Variants in DMD observed in about 807,000 individuals in gnomAD.
DMD encodes dystrophin, also known as mutant dystrophin.
In DMD, 63 loss-of-function variants were observed where a neutral mutation model predicts 330.1. That is an observed-to-expected ratio of 0.19 (90% CI 0.16 to 0.24). The LOEUF is 0.24. Ranked by LOEUF, DMD falls within the 10% of genes least tolerant of loss-of-function variation. The probability of loss-of-function intolerance (pLI) is 1.00; values close to 1 mark genes in which losing one functional copy is unlikely to be tolerated. For synonymous variants in DMD, 1,223 were observed against 959.8 expected (o/e 1.27, Z -5.07); for missense variants, 3,344 against 2,684.1 (o/e 1.25, Z -5.43).
intron 48 of DMD, among the ~76,000 whole-genome samples, chrX:31,843,187 T>C (rs1323583365): frequency 8.9e-6 from 1 of 111,998 alleles, no homozygotes; most frequent in African/African-American, 3.2e-5. Context: ...AACATACAAG[T>C]GCATGTGTCT....
intron 21 of DMD, among the ~76,000 whole-genome samples, chrX:32,481,848 T>TA (rs2041929176): frequency 8.9e-6 from 1 of 112,038 alleles, no homozygotes; most frequent in Non-Finnish European, 1.9e-5. Context: ...CCATGTATAT[T>TA]ACCTAGTGCC....
At position 32,345,964 on chromosome X, in the gene DMD, C is replaced by A. The variant is rs759375976; in HGVS notation, c.5565G>T (p.Gln1855His). ...EEIKIKQQLLQTKHNALKDLR... is the reference protein window; with the variant it reads ...EEIKIKQQLLHTKHNALKDLR... ...ATACCTTGAGAGCATTATGTTTTGTCTGTAACAGCTGCTGTTTTATCTTTA... is the reference window on the plus strand; with the variant it reads ...ATACCTTGAGAGCATTATGTTTTGTATGTAACAGCTGCTGTTTTATCTTTA... Residue 1855 changes from glutamine (Q) to histidine (H), a missense_variant, in exon 39 of 79, where the codon CAG becomes CAT. Gln to His is a conservative substitution (Grantham distance 24, BLOSUM62 0). Coordinates refer to ENST00000357033, the MANE Select transcript of DMD (RefSeq NM_004006.3). 6.6e-6 allele frequency: 8 copies of A among 1,206,286 alleles called. No individual in the cohort carries two copies. Among genetic ancestry groups the A allele is most frequent in the Admixed American group, 2.2e-5 (1 of 45,407 alleles).
intron 42 of DMD, among the ~76,000 whole-genome samples, chrX:32,305,555 C>T (rs762682541): frequency 9.0e-6 from 1 of 111,117 alleles, no homozygotes; most frequent in Non-Finnish European, 1.9e-5. Context: ...CTCTCACTAC[C>T]GACCAAGTCC....
At chrX:33,121,820 G>A (rs2095426983) in intron 1 of DMD, among the ~76,000 whole-genome samples, 1 of 112,097 alleles carries the variant, frequency 8.9e-6, no homozygotes, top group Admixed American at 9.5e-5. Flanking sequence ...AAACAAATTT[G>A]AACAGCAGGC....
intron 9 of DMD, among the ~76,000 whole-genome samples, chrX:32,658,654 C>A (rs762268785): frequency 3.6e-5 from 4 of 111,134 alleles, no homozygotes; most frequent in African/African-American, 6.5e-5. Flanking sequence ...ATCTCTCCCC[C>A]TCCAATTGAT....
chrX:31,249,785 A>G (rs1384952403), intron 63 of DMD, among the ~76,000 whole-genome samples: 1 of 110,921 alleles, frequency 9.0e-6, no homozygotes, highest in East Asian at 2.8e-4. Context: ...CAGGAACCCA[A>G]TAGATTATTA....
At chrX:32,585,877 T>C (rs5972606) in intron 13 of DMD, among the ~76,000 whole-genome samples, 16,409 of 109,468 alleles carry the variant, frequency 0.15, 3,060 homozygotes, top group African/African-American at 0.51. Flanking sequence ...AAAGTCAGAA[T>C]AGAAAACAGA....
chrX:31,536,904 C>T (rs1349543170), intron 55 of DMD, among the ~76,000 whole-genome samples: 3 of 111,572 alleles, frequency 2.7e-5, no homozygotes, highest in African/African-American at 9.8e-5. Context: ...TAAGTCACTA[C>T]CCTTTTAAGA....
intron 2 of DMD, among the ~76,000 whole-genome samples, chrX:33,009,314 GTATA>G (rs1491475429): frequency 2.8e-5 from 1 of 35,275 alleles, no homozygotes; most frequent in African/African-American, 9.3e-5. Flanking sequence ...ACACATGTGT[GTATA>G]TGTGTATATG....
chrX:32,189,623 T>G (rs779396836), intron 44 of DMD, among the ~76,000 whole-genome samples: 20 of 60,791 alleles, frequency 3.3e-4, no homozygotes, highest in Admixed American at 2.5e-3. Context: ...GGCATACTTC[T>G]AGGATTTTTT....
At chrX:32,980,666 A>C (rs902175337) in intron 2 of DMD, among the ~76,000 whole-genome samples, 1 of 111,027 alleles carries the variant, frequency 9.0e-6, no homozygotes, top group Non-Finnish European at 1.9e-5. Context: ...TTTCCGAATC[A>C]TAATATTTTT....
intron 44 of DMD, among the ~76,000 whole-genome samples, chrX:32,203,065 G>A (rs5972507): frequency 0.26 from 28,874 of 110,770 alleles, 3,696 homozygotes; most frequent in African/African-American, 0.5. Flanking sequence ...CTACCTGTCT[G>A]GCCCATGCTA....
chrX:32,343,128 C>T lies in DMD; in HGVS notation c.5739+6G>A. On this transcript the variant is annotated splice_donor_region_variant and intron_variant, in intron 40 of 78. Coordinates refer to ENST00000357033, the MANE Select transcript of DMD (RefSeq NM_004006.3). ...ATCTGGTATTGACATTCTAAAACAA[C>T]ATTACCTTTATTTTCCTTTCATCTC... 1 of 1,207,799 alleles carries T rather than the reference C, an allele frequency of 8.3e-7. No individual in the cohort carries two copies. The highest frequency in any genetic ancestry group is 1.8e-5 in the South Asian group (1 of 56,881).
intron 2 of DMD, among the ~76,000 whole-genome samples, chrX:32,882,004 C>A (rs2083994117): frequency 8.9e-6 from 1 of 112,294 alleles, no homozygotes; most frequent in African/African-American, 3.2e-5. Flanking sequence ...AGACGTGCTT[C>A]TTCATGCCTG....
At chrX:32,109,785 G>A (rs769462213) in intron 44 of DMD, among the ~76,000 whole-genome samples, 32 of 111,599 alleles carry the variant, frequency 2.9e-4, no homozygotes, top group African/African-American at 8.4e-4. Flanking sequence ...AAAGAGCGGT[G>A]TAATTTTTCT....
At chrX:31,181,789 C>T (rs1027191539) in intron 68 of DMD, among the ~76,000 whole-genome samples, 5 of 112,644 alleles carry the variant, frequency 4.4e-5, no homozygotes, top group African/African-American at 1.6e-4. Context: ...CCAGTTCACA[C>T]GTAACTGGAA....
chrX:31,266,134 T>C (rs1382637459), intron 62 of DMD, among the ~76,000 whole-genome samples: 2 of 72,464 alleles, frequency 2.8e-5, no homozygotes, highest in Non-Finnish European at 4.7e-5. Flanking sequence ...ACCCTAGAAA[T>C]GACTCCACAC....
At chrX:32,791,070 G>A (rs1222324216) in intron 7 of DMD, among the ~76,000 whole-genome samples, 1 of 111,092 alleles carries the variant, frequency 9.0e-6, no homozygotes. Flanking sequence ...AGTCTTCCTG[G>A]GGCCTGAATT....
intron 2 of DMD, among the ~76,000 whole-genome samples, chrX:33,010,300 A>G (rs1172556273): frequency 1.0e-5 from 1 of 99,652 alleles, no homozygotes; most frequent in East Asian, 3.4e-4. Context: ...GTAAATATGT[A>G]TATATGTACA....
Sources: allele counts gnomAD v4.1 joint callset (sites outside exome capture counted in the v4.1 genomes callset), GRCh38; gene constraint gnomAD v4.1.1; transcripts MANE v1.5; gene names NCBI Gene and HGNC (gene_info 2026-07-23, HGNC 2026-07-21).